The following ANO3 variants were observed in gnomAD, a reference collection of about 807,000 sequenced individuals.
The protein encoded by ANO3 is anoctamin 3, also known as anoctamin-3.
Under a neutral mutation model 144.8 loss-of-function variants are expected in ANO3, and 99 were observed. That is an observed-to-expected ratio of 0.68 (90% CI 0.58 to 0.81). The LOEUF is 0.81. Among genes scored for constraint, ANO3 ranks in the 30% least tolerant of loss-of-function variants. ANO3 has a pLI of 0.00. For synonymous variants in ANO3, 414 were observed against 392.6 expected, an observed-to-expected ratio of 1.05 and a Z score of -0.64; for missense variants, 905 against 1,202.2, an observed-to-expected ratio of 0.75 and a Z score of 3.66.
At chr11:26,386,374 T>C (rs1383947313) in intron 1 of ANO3, among the ~76,000 whole-genome samples, 1 of 152,112 alleles carries the variant, frequency 6.6e-6, no homozygotes, top group African/African-American at 2.4e-5. Context: ...ATCATAGTGC[T>C]TGTTAGTTAA....
intron 1 of ANO3, among the ~76,000 whole-genome samples, chr11:26,332,676 CCGT>C (rs1855087056): frequency 6.6e-6 from 1 of 152,120 alleles, no homozygotes; most frequent in South Asian, 2.1e-4. Flanking sequence ...ACAATATCTG[CCGT>C]CTTCTGTGGT....
At chr11:26,399,111 G>T (rs748632125) in intron 1 of ANO3, among the ~76,000 whole-genome samples, 1 of 151,828 alleles carries the variant, frequency 6.6e-6, no homozygotes, top group Non-Finnish European at 1.5e-5. Context: ...ACTCAAACTG[G>T]CTCGAAATCT....
intron 1 of ANO3, among the ~76,000 whole-genome samples, chr11:26,379,113 A>G (rs186730994): frequency 6.6e-6 from 1 of 152,258 alleles, no homozygotes; most frequent in East Asian, 1.9e-4. Context: ...ATAAATATCA[A>G]TTAGGAGCCA....
At chr11:26,266,734 C>A (rs1259257718) in intron 1 of ANO3, among the ~76,000 whole-genome samples, 1 of 151,230 alleles carries the variant, frequency 6.6e-6, no homozygotes, top group Non-Finnish European at 1.5e-5. Context: ...TGCCCGGCCA[C>A]CAAATGTAAA....
intron 9 of ANO3, among the ~76,000 whole-genome samples, 167 bp downstream of exon 9, chr11:26,534,729 C>CA (rs567735847): frequency 8.6e-5 from 13 of 151,680 alleles, no homozygotes; most frequent in East Asian, 3.9e-4. Context: ...TTTAATAAAA[C>CA]AAAAAAAACT....
intron 14 of ANO3, among the ~76,000 whole-genome samples, chr11:26,577,960 G>A (rs1851033159): frequency 6.6e-6 from 1 of 152,206 alleles, no homozygotes; most frequent in South Asian, 2.1e-4. Context: ...TTTATAGGGA[G>A]TGAACTAGAA....
intron 1 of ANO3, among the ~76,000 whole-genome samples, chr11:26,424,885 C>CATAT (rs370110875): frequency 1.4e-4 from 21 of 150,864 alleles, no homozygotes; most frequent in African/African-American, 3.6e-4. Flanking sequence ...GTATTTTATA[C>CATAT]ATATATATAT....
Position 26,189,191 on chromosome 11 carries a change from AT to A in ANO3, c.18del (p.Phe6LeufsTer26). On this transcript the variant is annotated frameshift_variant, in exon 1 of 28. Coordinates refer to the ANO3 transcript ENST00000672621. LOFTEE classifies it high-confidence loss of function. ...GGAATTTTGCAATGTCAGTTTTAAA[AT>A]TTGAACTGGATAATTTTTCTCCTGA... The A allele has an allele frequency of 6.1e-6, 6 of 985,288 alleles. No individual in the cohort carries two copies. Among genetic ancestry groups the A allele is most frequent in the Non-Finnish European group, 7.2e-6 (6 of 829,830 alleles). 61.0% of individuals were successfully genotyped at this position (985,288 alleles called of 1,614,324 possible).
At chr11:26,374,837 A>G (rs187584285) in intron 1 of ANO3, among the ~76,000 whole-genome samples, 1,589 of 152,270 alleles carry the variant, frequency 0.01, 17 homozygotes, top group Non-Finnish European at 0.016. Context: ...TCCGCCTTCC[A>G]GGCTAGAGCA....
chr11:26,284,124 T>A (rs1008778275), intron 1 of ANO3, among the ~76,000 whole-genome samples: 1 of 151,974 alleles, frequency 6.6e-6, no homozygotes, highest in African/African-American at 2.4e-5. Context: ...CTAAGTGCAG[T>A]GGGAAGCAAT....
At chr11:26,268,716 A>G (rs1853370241) in intron 1 of ANO3, among the ~76,000 whole-genome samples, 1 of 152,158 alleles carries the variant, frequency 6.6e-6, no homozygotes, top group African/African-American at 2.4e-5. Flanking sequence ...CTAGTTCTAG[A>G]TCAGTGCGAC....
chr11:26,437,396 A>T (rs1858333411), intron 1 of ANO3, among the ~76,000 whole-genome samples: 1 of 152,170 alleles, frequency 6.6e-6, no homozygotes, highest in African/African-American at 2.4e-5. Flanking sequence ...TATCCATGAG[A>T]GAAGAGTGGG....
rs1295894272 is a variant in ANO3, at chr11:26,633,372, C to G, written c.1874-832C>G. On this transcript the variant is annotated intron_variant, in intron 18 of 26. Coordinates refer to ENST00000256737, the MANE Select transcript of ANO3 (RefSeq NM_031418.4). ...GACTGCAAAAAAATAGTGAAGAGAC[C>G]TGCCTGAGATTACCTGCCAGTCAGG... Among the ~76,000 whole-genome samples, 5 of 152,144 alleles carry G rather than the reference C, an allele frequency of 3.3e-5. No homozygotes were observed. In the East Asian group the frequency reaches 9.6e-4, roughly 29 times the overall value.
intron 17 of ANO3, among the ~76,000 whole-genome samples, 187 bp from the exon 18 acceptor site, chr11:26,624,270 ATATAT>A (rs892684100): frequency 8.5e-5 from 13 of 152,342 alleles, no homozygotes; most frequent in African/African-American, 2.4e-4. Flanking sequence ...TTACATTCAC[ATATAT>A]TATATCAATT....
At chr11:26,598,804 A>G in intron 15 of ANO3, 54 bp from the exon 16 acceptor site, 1 of 1,564,508 alleles carries the variant, frequency 6.4e-7, no homozygotes, top group Non-Finnish European at 8.7e-7. Context: ...TCTTGGGGGT[A>G]TGTTTTTTTA....
intron 1 of ANO3, among the ~76,000 whole-genome samples, chr11:26,426,403 A>G (rs926985013): frequency 6.6e-6 from 1 of 152,166 alleles, no homozygotes; most frequent in African/African-American, 2.4e-5. Flanking sequence ...GTAGTTTGGC[A>G]TGTCTAGTCC....
chr11:26,193,136 C>CTTT (rs34069836), intron 1 of ANO3, among the ~76,000 whole-genome samples: 150 of 82,574 alleles, frequency 1.8e-3, no homozygotes, highest in Non-Finnish European at 2.2e-3. Context: ...TTTTGCCTAT[C>CTTT]TTTTTTTTTT....
intron 1 of ANO3, among the ~76,000 whole-genome samples, chr11:26,350,670 TACA>T (rs1855624927): frequency 6.6e-6 from 1 of 152,116 alleles, no homozygotes; most frequent in Non-Finnish European, 1.5e-5. Flanking sequence ...TTGCAAAGAG[TACA>T]ACGTTGTGAT....
intron 1 of ANO3, among the ~76,000 whole-genome samples, chr11:26,224,594 T>C (rs1350682727): frequency 1.3e-5 from 2 of 152,232 alleles, no homozygotes; most frequent in African/African-American, 4.8e-5. Flanking sequence ...GGCCACATTT[T>C]TACTATGTTG....
Sources: gnomAD v4.1 joint callset for allele counts (sites outside exome capture counted in the v4.1 genomes callset) on GRCh38, gnomAD v4.1.1 for gene constraint, MANE v1.5 for transcripts, NCBI Gene and HGNC (gene_info 2026-07-23, HGNC 2026-07-21) for gene names.